PRSS41: variants seen among roughly 807,000 people sequenced by gnomAD.
The protein encoded by PRSS41 is protease, serine 41.
A neutral mutation model predicts 28.8 loss-of-function variants in PRSS41; 37 were observed. The observed-to-expected ratio is 1.29, with a 90% CI of 0.99 to 1.69. The LOEUF is 1.69. Among genes scored for constraint, PRSS41 ranks in the 40% most tolerant of loss-of-function variants. The pLI is 0.00. For synonymous variants in PRSS41, 195 were observed against 163.1 expected (o/e 1.20, Z -1.49); for missense variants, 431 against 400.7 (o/e 1.08, Z -0.65).
chr16:2,804,253 T>A (rs565671190), intron 4 of PRSS41, 136 bp from the exon 5 acceptor site: 1 of 851,064 alleles, frequency 1.2e-6, no homozygotes, highest in Non-Finnish European at 1.8e-6. Flanking sequence ...TGCTGGGGAG[T>A]CAAGAGCAAT....
intron 4 of PRSS41, 121 bp downstream of exon 4, chr16:2,799,690 C>G: frequency 9.9e-7 from 1 of 1,009,416 alleles, no homozygotes; most frequent in Non-Finnish European, 1.4e-6. Context: ...CAACCTGCGC[C>G]CCTCCTGCTC....
At chr16:2,799,812 G>A (rs1380442408) in intron 4 of PRSS41, among the ~76,000 whole-genome samples, 2 of 152,270 alleles carry the variant, frequency 1.3e-5, no homozygotes, top group Non-Finnish European at 2.9e-5. Flanking sequence ...GACAGTGTGA[G>A]AGGGAGGCCA....
At chr16:2,799,105 G>A (rs2068968173) in exon 3 of PRSS41, 1 of 1,525,084 alleles carries the variant, frequency 6.6e-7, no homozygotes, top group Non-Finnish European at 8.8e-7. Flanking sequence ...GGTGCTCTCG[G>A]CTGCGCACTG....
chr16:2,804,897 C>T lies in PRSS41; in HGVS notation c.700-17C>T. 1 of 1,567,364 alleles carries T rather than the reference C, an allele frequency of 6.4e-7. No individual in the cohort carries two copies. The highest frequency in any genetic ancestry group is 8.7e-7 in the Non-Finnish European group (1 of 1,155,144). ...CCCACTCTGCCCCAGCCTGGGCTCA[C>T]CCATGCTGCTCCCCAGGGTGACTCA... On this transcript the variant is annotated splice_polypyrimidine_tract_variant and intron_variant, in intron 5 of 5. Transcript: ENST00000399677.
chr16:2,805,095 A>T (rs2069013224), exon 6 of PRSS41: 10 of 1,551,750 alleles, frequency 6.4e-6, no homozygotes, highest in Non-Finnish European at 7.8e-6. Context: ...AACCCCTCCC[A>T]GCTGTTGCTG....
chr16:2,798,594 C>A, intron 1 of PRSS41, 42 bp from the exon 2 acceptor site: 1 of 1,523,948 alleles, frequency 6.6e-7, no homozygotes, highest in Non-Finnish European at 8.8e-7. Context: ...GCGAGGAGGC[C>A]GGGAGGTGGA....
chr16:2,803,750 C>G (rs2069003872), intron 4 of PRSS41, among the ~76,000 whole-genome samples: 1 of 152,172 alleles, frequency 6.6e-6, no homozygotes, highest in Admixed American at 6.5e-5. Context: ...GACAAATCTT[C>G]TCAGCTTTTG....
chr16:2,799,602 G>C (rs1389890206), intron 4 of PRSS41, 33 bp downstream of exon 4: 5 of 1,544,842 alleles, frequency 3.2e-6, no homozygotes, highest in Non-Finnish European at 4.4e-6. Flanking sequence ...TGGGGTGATG[G>C]GGGTGCGGGG....
At chr16:2,801,924 G>A (rs1375396093) in intron 4 of PRSS41, among the ~76,000 whole-genome samples, 1 of 151,694 alleles carries the variant, frequency 6.6e-6, no homozygotes, top group Non-Finnish European at 1.5e-5. Flanking sequence ...CGGCCGGGCA[G>A]AGGCGCCCCT....
intron 4 of PRSS41, among the ~76,000 whole-genome samples, chr16:2,803,085 T>A (rs976399687): frequency 1.3e-5 from 2 of 152,240 alleles, no homozygotes; most frequent in Admixed American, 6.5e-5. Context: ...GTGATTTTTT[T>A]AAAAGCGATT....
At chr16:2,804,268 G>T in intron 4 of PRSS41, 121 bp from the exon 5 acceptor site, 1 of 979,764 alleles carries the variant, frequency 1.0e-6, no homozygotes, top group Non-Finnish European at 1.5e-6. Flanking sequence ...AGCAATGCTG[G>T]GTGTTGTGGG....
chr16:2,800,386 C>T (rs1428173536), intron 4 of PRSS41, among the ~76,000 whole-genome samples: 1 of 151,780 alleles, frequency 6.6e-6, no homozygotes, highest in African/African-American at 2.4e-5. Context: ...ACTAAAAATA[C>T]AAAAATTAGC....
chr16:2,800,079 T>A (rs560283516), intron 4 of PRSS41, among the ~76,000 whole-genome samples: 1 of 152,358 alleles, frequency 6.6e-6, no homozygotes, highest in Non-Finnish European at 1.5e-5. Flanking sequence ...CAAACCCAGA[T>A]GGCAGAGCCT....
At chr16:2,801,153 T>A (rs1035090982) in intron 4 of PRSS41, among the ~76,000 whole-genome samples, 3 of 152,220 alleles carry the variant, frequency 2.0e-5, no homozygotes, top group African/African-American at 7.2e-5. Flanking sequence ...TATCAATTAT[T>A]AATAGTGAGC....
intron 3 of PRSS41, 68 bp from the exon 4 acceptor site, chr16:2,799,218 G>T (rs1290408870): frequency 1.3e-6 from 2 of 1,524,986 alleles, no homozygotes; most frequent in African/African-American, 1.4e-5. Context: ...CAGGGACTGG[G>T]CCTCCAGCGT....
intron 4 of PRSS41, among the ~76,000 whole-genome samples, chr16:2,800,333 G>C (rs2068977700): frequency 1.3e-5 from 2 of 152,134 alleles, no homozygotes; most frequent in Non-Finnish European, 2.9e-5. Flanking sequence ...CTGAGGTCAG[G>C]AGTTCGAGAC....
At chr16:2,804,259 G>A in intron 4 of PRSS41, 130 bp from the exon 5 acceptor site, 1 of 912,196 alleles carries the variant, frequency 1.1e-6, no homozygotes, top group Non-Finnish European at 1.6e-6. Flanking sequence ...GGAGTCAAGA[G>A]CAATGCTGGG....
At position 2,804,381 on chromosome 16, in the gene PRSS41, A is replaced by G. The variant is rs1184946443; in HGVS notation, c.542-8A>G. 1.9e-6 allele frequency: 3 copies of G among 1,551,178 alleles called. No individual in the cohort carries two copies. Among genetic ancestry groups the G allele is most frequent in the South Asian group, 1.2e-5 (1 of 84,016 alleles). ...GAAGGGTGCTGTCCTTTTCTGTCCT[A>G]TCTCCAGCACCTCTGCCACCTCCTT... On this transcript the variant is annotated splice_polypyrimidine_tract_variant and splice_region_variant and intron_variant, in intron 4 of 5. Coordinates refer to ENST00000399677, the Ensembl canonical transcript of PRSS41.
intron 4 of PRSS41, among the ~76,000 whole-genome samples, chr16:2,801,121 G>A (rs948380063): frequency 6.6e-6 from 1 of 152,180 alleles, no homozygotes; most frequent in Non-Finnish European, 1.5e-5. Context: ...TTACAGGTGT[G>A]AGCCACGGTG....
Sources: allele counts gnomAD v4.1 joint callset (sites outside exome capture counted in the v4.1 genomes callset), GRCh38; gene constraint gnomAD v4.1.1; transcripts MANE v1.5; gene names NCBI Gene and HGNC (gene_info 2026-07-23, HGNC 2026-07-21).